Variants in UPF3A observed in about 807,000 individuals in gnomAD.
UPF3A encodes regulator of nonsense transcripts 3A.
Under a neutral mutation model 53.5 loss-of-function variants are expected in UPF3A, and 42 were observed. The observed-to-expected ratio is 0.78, with a 90% CI of 0.61 to 1.01. UPF3A has a LOEUF of 1.01. Ranked by LOEUF, UPF3A falls within the 50% of genes least tolerant of loss-of-function variation. The probability of loss-of-function intolerance (pLI) is 0.00; values close to 1 mark genes in which losing one functional copy is unlikely to be tolerated. For synonymous variants in UPF3A, 237 were observed against 225.3 expected (o/e 1.05, Z -0.47); for missense variants, 575 against 598.0 (o/e 0.96, Z 0.40).
At chr13:114,295,827 G>A (rs1360961050) in intron 7 of UPF3A, among the ~76,000 whole-genome samples, 2 of 152,172 alleles carry the variant, frequency 1.3e-5, no homozygotes, top group South Asian at 2.1e-4. Context: ...TTAGGCCCTG[G>A]TTCCTGCACA....
rs1481405163 is a variant in UPF3A at position 114,281,786 on chromosome 13, C to T, written c.147C>T (p.Ser49=). Residue 49 remains serine, a synonymous_variant, in exon 1 of 10, where the codon TCC becomes TCT. Coordinates refer to ENST00000375299, the MANE Select transcript of UPF3A (RefSeq NM_023011.4). ...AGGCTGAGACGCCGCCAACTTCGTC[C>T]TCCGGTTGCGGGGGCGGTGCGGGCA... The part of the protein sequence containing the change: ...QQEAETPPTS[S]SGCGGGAGKP... The T allele has an allele frequency of 1.9e-6, 3 of 1,556,414 alleles. No homozygotes were observed. Among genetic ancestry groups the T allele is most frequent in the African/African-American group, 1.4e-5 (1 of 73,020 alleles).
chr13:114,281,667 G>C lies in UPF3A; in HGVS notation c.28G>C (p.Gly10Arg). 1 of 1,524,918 alleles carries C rather than the reference G, an allele frequency of 6.6e-7. No individual in the cohort carries two copies. The highest frequency in any genetic ancestry group is 2.5e-5 in the East Asian group (1 of 39,306). 94.5% of individuals were successfully genotyped at this position (1,524,918 alleles called of 1,614,324 possible). A position where few individuals can be genotyped will look rare whatever the true frequency, so the allele number is the denominator to read the frequency against. ...GCGCTCGGAAAAGGAGGGGGCCGGA[G>C]GCCTTCGGGCGGCCGTTGCCGCGCG... MRSEKEGAGGLRAAVAARGP... is the reference protein window; with the variant it reads MRSEKEGAGRLRAAVAARGP... The change falls in exon 1 of 10, where the codon GGC becomes CGC. Residue 10 changes from glycine (G) to arginine (R), a missense_variant. Gly to Arg is a moderately radical substitution (Grantham distance 125). Coordinates refer to ENST00000375299, the MANE Select transcript of UPF3A (RefSeq NM_023011.4).
At chr13:114,292,025 T>A (rs2085322039) in intron 7 of UPF3A, among the ~76,000 whole-genome samples, 1 of 151,880 alleles carries the variant, frequency 6.6e-6, no homozygotes, top group African/African-American at 2.4e-5. Flanking sequence ...TCCTCCTGGG[T>A]GTGCAGTGGG....
At chr13:114,295,953 C>CA (rs1300446326) in intron 7 of UPF3A, among the ~76,000 whole-genome samples, 2 of 152,172 alleles carry the variant, frequency 1.3e-5, no homozygotes, top group East Asian at 3.9e-4. Flanking sequence ...GCCAGAAAGC[C>CA]AAGGCAGGAC....
At chr13:114,292,350 C>T (rs545421129) in intron 7 of UPF3A, among the ~76,000 whole-genome samples, 249 of 143,398 alleles carry the variant, frequency 1.7e-3, no homozygotes, top group Non-Finnish European at 3.1e-3. Flanking sequence ...TCATTTTCGG[C>T]TCAAGGCGTA....
In UPF3A at chr13:114,281,699, G is replaced by A. The variant is rs752248750; in HGVS notation, c.60G>A (p.Pro20=). The A allele has an allele frequency of 3.2e-6, 5 of 1,544,864 alleles. No homozygotes were observed. In the South Asian group the frequency reaches 4.8e-5, roughly 15 times the overall value. The change falls in exon 1 of 10, where the codon CCG becomes CCA. Residue 20 remains proline (P), a synonymous_variant. Transcript: ENST00000375299. The part of the protein sequence containing the change: ...GLRAAVAARG[P]SGREKLSALE... ...GGGCGGCCGTTGCCGCGCGGGGCCC[G>A]AGCGGGAGGGAGAAGCTGTCGGCCC...
rs376043883 is a variant in UPF3A, at chr13:114,286,652, CTT to C, written c.631+26_631+27del. On this transcript the variant is annotated intron_variant, in intron 5 of 9. Transcript: ENST00000375299. ...TTGGTCTGTTTTGCTCATTTCTTCTCTTTTCTTTATTGAGAGATTTACTCGTA... is the reference window on the plus strand; with the variant it reads ...TTGGTCTGTTTTGCTCATTTCTTCTCTTCTTTATTGAGAGATTTACTCGTA... 3.4e-4 allele frequency: 533 copies of C among 1,567,758 alleles called. 1 individual carries two copies. In the African/African-American group the frequency reaches 6.7e-3, roughly 20 times the overall value.
chr13:114,292,870 C>T (rs2464273), intron 7 of UPF3A, among the ~76,000 whole-genome samples: 2 of 151,688 alleles, frequency 1.3e-5, no homozygotes, highest in Non-Finnish European at 1.5e-5. Flanking sequence ...GTCAGGAGTT[C>T]GAGATCACCC....
rs1408875112 is a variant in UPF3A, at chr13:114,305,353, C to T, written c.*436C>T. On this transcript the variant is annotated 3_prime_UTR_variant, in exon 10 of 10. Transcript: ENST00000375299. ...CTCGGTGGCCTCTGAGCCATGGTGT[C>T]GAGTGAAGAGTAGTTCTTGTTTGTT... 5.4e-5 allele frequency: 13 copies of T among 241,628 alleles called. No homozygotes were observed. The highest frequency in any genetic ancestry group is 1.1e-4 in the East Asian group (1 of 8,956). The allele number at this position is 241,628 out of a possible 1,614,324, so 15.0% of individuals were successfully genotyped here. A position where few individuals can be genotyped will look rare whatever the true frequency, so the allele number is the denominator to read the frequency against.
chr13:114,282,401 C>T, intron 2 of UPF3A: 1 of 1,211,102 alleles, frequency 8.3e-7, no homozygotes. Flanking sequence ...CAGCGTTGCC[C>T]GCCCGGCGCC....
intron 8 of UPF3A, among the ~76,000 whole-genome samples, chr13:114,301,200 A>C (rs1030578014): frequency 7.9e-5 from 12 of 152,082 alleles, no homozygotes; most frequent in African/African-American, 2.9e-4. Flanking sequence ...GGTGGCTCAC[A>C]CCTGTAATCC....
intron 3 of UPF3A, chr13:114,283,930 A>G: frequency 1.0e-6 from 1 of 985,396 alleles, no homozygotes. Flanking sequence ...AATGAGGGGT[A>G]AGGACTAGAA....
chr13:114,283,999 A>G (rs2084395256), intron 3 of UPF3A: 1 of 985,446 alleles, frequency 1.0e-6, no homozygotes, highest in Non-Finnish European at 1.2e-6. Flanking sequence ...AGCAAATGTG[A>G]TGCTTGAACT....
chr13:114,295,106 C>T (rs1271488488), intron 7 of UPF3A, among the ~76,000 whole-genome samples: 36 of 138,342 alleles, frequency 2.6e-4, no homozygotes, highest in African/African-American at 7.2e-4. Context: ...AGCAAGACTC[C>T]GTCTCAAAAA....
At chr13:114,297,438 T>A (rs890492923) in intron 7 of UPF3A, among the ~76,000 whole-genome samples, 14 of 151,992 alleles carry the variant, frequency 9.2e-5, no homozygotes, top group Non-Finnish European at 1.6e-4. Context: ...CTTTTAAAAA[T>A]TTTTTTTTCC....
chr13:114,299,198 C>G (rs2086353755), intron 8 of UPF3A, among the ~76,000 whole-genome samples, 198 bp downstream of exon 8: 1 of 152,210 alleles, frequency 6.6e-6, no homozygotes. Context: ...TCAAGTCTGT[C>G]TTCAGATCGG....
Position 114,295,308 on chromosome 13 carries a change from C to CTCCCCAGCTCGTCTCCAGCGGCTCTGGCG in UPF3A, c.846+3517_846+3518insCCCCAGCTCGTCTCCAGCGGCTCTGGCGT, listed in dbSNP as rs1566756329. On this transcript the variant is annotated intron_variant, in intron 7 of 9. Coordinates refer to ENST00000375299, the MANE Select transcript of UPF3A (RefSeq NM_023011.4). ...CCTTGCAGGGCGTGGCAGAGCTGGC[C>CTCCCCAGCTCGTCTCCAGCGGCTCTGGCG]TGCTCCCCAGCTCGTCTCCAGCAGC... Among the ~76,000 whole-genome samples the CTCCCCAGCTCGTCTCCAGCGGCTCTGGCG allele has an allele frequency of 1.4e-3, 141 of 101,770 alleles. 2 individuals carry two copies. Among genetic ancestry groups the CTCCCCAGCTCGTCTCCAGCGGCTCTGGCG allele is most frequent in the East Asian group, 6.4e-3 (17 of 2,650 alleles). 66.8% of individuals were successfully genotyped at this position (101,770 alleles called of 152,430 possible). A position where few individuals can be genotyped will look rare whatever the true frequency, so the allele number is the denominator to read the frequency against.
intron 2 of UPF3A, chr13:114,282,560 G>C: frequency 2.0e-6 from 2 of 985,480 alleles, no homozygotes; most frequent in Non-Finnish European, 2.4e-6. Flanking sequence ...CGGCGCCACG[G>C]GTTCCTCTGG....
At chr13:114,301,405 G>A (rs2086592064) in intron 8 of UPF3A, among the ~76,000 whole-genome samples, 1 of 151,450 alleles carries the variant, frequency 6.6e-6, no homozygotes, top group Non-Finnish European at 1.5e-5. Flanking sequence ...GGAGCTTTCA[G>A]TGAGCTGAGA....
Sources: gnomAD v4.1 joint callset for allele counts (sites outside exome capture counted in the v4.1 genomes callset) on GRCh38, gnomAD v4.1.1 for gene constraint, MANE v1.5 for transcripts, NCBI Gene and HGNC (gene_info 2026-07-23, HGNC 2026-07-21) for gene names.